Variants in PLXDC2 observed in about 807,000 individuals in gnomAD.
The protein encoded by PLXDC2 is plexin domain-containing protein 2.
PLXDC2 carries 40 observed loss-of-function variants against 68.9 expected under a neutral mutation model. That is an observed-to-expected ratio of 0.58 (90% CI 0.45 to 0.76). The LOEUF (loss-of-function observed/expected upper bound fraction) is 0.76, where lower values mean the gene tolerates loss of function less well. Among genes scored for constraint, PLXDC2 ranks in the 30% least tolerant of loss-of-function variants. PLXDC2 has a pLI of 0.00. For missense variants in PLXDC2, 644 were observed against 661.9 expected (o/e 0.97, Z 0.30); for synonymous variants, 243 against 234.2 (o/e 1.04, Z -0.34).
chr10:19,965,575 A>T (rs916279184), intron 1 of PLXDC2, among the ~76,000 whole-genome samples: 1 of 152,174 alleles, frequency 6.6e-6, no homozygotes, highest in African/African-American at 2.4e-5. Flanking sequence ...ACAATCAGAC[A>T]TCTGCTTCTG....
chr10:20,073,418 C>T (rs578207013), intron 4 of PLXDC2, among the ~76,000 whole-genome samples: 72 of 152,142 alleles, frequency 4.7e-4, no homozygotes, highest in Admixed American at 7.9e-4. Context: ...ACATATACAT[C>T]GTTCCACAGC....
chr10:20,112,147 A>G (rs902426213), intron 4 of PLXDC2, among the ~76,000 whole-genome samples: 1 of 152,196 alleles, frequency 6.6e-6, no homozygotes, highest in Admixed American at 6.5e-5. Flanking sequence ...GAACCTGACC[A>G]TGCTGGCTCC....
rs560081062 is a variant in PLXDC2, at chr10:20,202,152, T to G, written c.1062-9517T>G. Among the ~76,000 whole-genome samples the G allele has an allele frequency of 2.0e-5, 3 of 152,170 alleles. No individual in the cohort carries two copies. In the South Asian group the frequency reaches 6.2e-4, roughly 32 times the overall value. On this transcript the variant is annotated intron_variant, in intron 9 of 13. Transcript: ENST00000377252. ...AAATGAAATATAATGACATAGAAAATATATCTGTGCTTTATGTGGATCTTT... is the reference window on the plus strand; with the variant it reads ...AAATGAAATATAATGACATAGAAAAGATATCTGTGCTTTATGTGGATCTTT...
At chr10:19,919,526 T>C (rs1589536105) in intron 1 of PLXDC2, among the ~76,000 whole-genome samples, 1 of 152,310 alleles carries the variant, frequency 6.6e-6, no homozygotes, top group African/African-American at 2.4e-5. Context: ...AATTAACAAA[T>C]TGAGCTGATA....
At chr10:19,967,641 G>A (rs1393958915) in intron 1 of PLXDC2, among the ~76,000 whole-genome samples, 1 of 152,234 alleles carries the variant, frequency 6.6e-6, no homozygotes. Context: ...ATCAGCTGAA[G>A]ATTCCAGGTA....
intron 1 of PLXDC2, among the ~76,000 whole-genome samples, chr10:19,836,653 G>T (rs1405732736): frequency 6.6e-6 from 1 of 152,110 alleles, no homozygotes; most frequent in African/African-American, 2.4e-5. Context: ...GCTACGAAAT[G>T]GTTCTAACAG....
At chr10:20,253,581 T>C (rs1442453499) in intron 13 of PLXDC2, among the ~76,000 whole-genome samples, 1 of 151,906 alleles carries the variant, frequency 6.6e-6, no homozygotes, top group Non-Finnish European at 1.5e-5. Flanking sequence ...TTACTGGGAG[T>C]ACTTTGTATT....
At chr10:19,886,704 A>T (rs1837852712) in intron 1 of PLXDC2, among the ~76,000 whole-genome samples, 1 of 152,200 alleles carries the variant, frequency 6.6e-6, no homozygotes, top group Non-Finnish European at 1.5e-5. Context: ...ATTCCCTTTG[A>T]AAACTGGCAC....
chr10:20,084,581 A>G (rs1182354940), intron 4 of PLXDC2, among the ~76,000 whole-genome samples: 2 of 152,088 alleles, frequency 1.3e-5, no homozygotes, highest in African/African-American at 2.4e-5. Flanking sequence ...TGTGGAAGGC[A>G]GGTAGAAGGC....
intron 2 of PLXDC2, among the ~76,000 whole-genome samples, chr10:20,031,201 C>G (rs916409420): frequency 5.3e-5 from 8 of 151,936 alleles, no homozygotes; most frequent in African/African-American, 1.9e-4. Context: ...GGCCCTGTTT[C>G]TACAAAAAAC....
chr10:20,030,921 A>G (rs1001481277), intron 2 of PLXDC2, among the ~76,000 whole-genome samples: 3 of 151,942 alleles, frequency 2.0e-5, no homozygotes, highest in African/African-American at 4.8e-5. Flanking sequence ...ATATTTGTCC[A>G]TTGTGAATAA....
intron 4 of PLXDC2, among the ~76,000 whole-genome samples, chr10:20,099,493 T>C (rs2131737799): frequency 6.6e-6 from 1 of 152,340 alleles, no homozygotes; most frequent in Non-Finnish European, 1.5e-5. Flanking sequence ...CGTACTTTCA[T>C]TTCCCATCCA....
rs78149580 is a variant in PLXDC2, at chr10:19,851,242, T to C, written c.112+34051T>C. Among the ~76,000 whole-genome samples the C allele has an allele frequency of 6.9e-3, 1,055 of 152,328 alleles. 17 individuals carry two copies. Among genetic ancestry groups the C allele is most frequent in the African/African-American group, 0.024 (998 of 41,582 alleles). ...ATCCAAAGGAATAAAGTAACATAGA[T>C]TAGGGCCTTTCCTATAATAACCTCT... is the stretch of plus-strand genomic sequence containing the variant. On this transcript the variant is annotated intron_variant, in intron 1 of 13. Transcript: ENST00000377252.
chr10:19,937,083 C>T (rs1293498787), intron 1 of PLXDC2, among the ~76,000 whole-genome samples: 4 of 152,174 alleles, frequency 2.6e-5, no homozygotes, highest in Non-Finnish European at 5.9e-5. Flanking sequence ...TTAGACCCGA[C>T]CCTCAACATT....
At chr10:20,161,606 C>T (rs891230802) in intron 6 of PLXDC2, among the ~76,000 whole-genome samples, 16 of 151,256 alleles carry the variant, frequency 1.1e-4, no homozygotes, top group African/African-American at 3.9e-4. Context: ...ATAAAAAGCA[C>T]TGGAGGAGAG....
At chr10:20,108,098 C>T (rs1265073018) in intron 4 of PLXDC2, among the ~76,000 whole-genome samples, 3 of 152,054 alleles carry the variant, frequency 2.0e-5, no homozygotes, top group Non-Finnish European at 4.4e-5. Context: ...CTTAAAAATT[C>T]ACAGAAGAAA....
chr10:20,220,929 G>A (rs916086609), intron 12 of PLXDC2, among the ~76,000 whole-genome samples: 34 of 143,258 alleles, frequency 2.4e-4, no homozygotes, highest in East Asian at 8.2e-4. Context: ...TGCAACCTCC[G>A]TCTCCTGGGT....
At chr10:20,038,129 A>G (rs113401601) in intron 2 of PLXDC2, among the ~76,000 whole-genome samples, 2,687 of 152,088 alleles carry the variant, frequency 0.018, 76 homozygotes, top group African/African-American at 0.061. Flanking sequence ...CCAGCTACTC[A>G]GGAGGCTGAG....
intron 3 of PLXDC2, among the ~76,000 whole-genome samples, chr10:20,057,188 G>C (rs532344131): frequency 3.3e-5 from 5 of 152,012 alleles, no homozygotes; most frequent in African/African-American, 9.7e-5. Flanking sequence ...ATTTTACATG[G>C]CTCCTTTGAA....
Sources: allele counts gnomAD v4.1 joint callset (sites outside exome capture counted in the v4.1 genomes callset), GRCh38; gene constraint gnomAD v4.1.1; transcripts MANE v1.5; gene names NCBI Gene and HGNC (gene_info 2026-07-23, HGNC 2026-07-21).